The following CHAF1A variants were observed in gnomAD, a reference collection of about 807,000 sequenced individuals.
The protein encoded by CHAF1A is chromatin assembly factor 1 subunit A.
CHAF1A carries 5 observed loss-of-function variants against 93.2 expected under a neutral mutation model. That is an observed-to-expected ratio of 0.05 (90% CI 0.03 to 0.11). CHAF1A has a LOEUF of 0.11. CHAF1A is among the 10% of genes least tolerant of loss of function. The pLI is 1.00. For synonymous variants in CHAF1A, 504 were observed against 510.3 expected, an observed-to-expected ratio of 0.99 and a Z score of 0.17; for missense variants, 1,102 against 1,259.9, an observed-to-expected ratio of 0.87 and a Z score of 1.90.
In CHAF1A at chr19:4,429,542, A is replaced by T; in HGVS notation, c.1709A>T (p.Tyr570Phe). 1 of 1,613,932 alleles carries T rather than the reference A, an allele frequency of 6.2e-7. No homozygotes were observed. The highest frequency in any genetic ancestry group is 8.5e-7 in the Non-Finnish European group (1 of 1,179,964). The change falls in exon 9 of 15, where the codon TAC becomes TTC. Residue 570 changes from tyrosine to phenylalanine, a missense_variant. Tyr to Phe is a conservative substitution (Grantham distance 22). Transcript: ENST00000301280. Reference protein sequence around the residue: ...LQFCENHRPAYWGTWNKKTAL... With the variant: ...LQFCENHRPAFWGTWNKKTAL... ...TTCTGTGAGAACCACCGGCCTGCCT[A>T]CTGGGGTACCTGGAATAAGAAGACG...
At chr19:4,444,998 C>G (rs1325133115), downstream of CHAF1A, 1 of 158,232 alleles carries the variant, frequency 6.3e-6, no homozygotes, top group Non-Finnish European at 1.4e-5. Flanking sequence ...AACGGAGAAC[C>G]AAGAAACTAT....
downstream of CHAF1A, chr19:4,446,421 C>T (rs200662399): frequency 3.5e-4 from 552 of 1,576,700 alleles, no homozygotes; most frequent in Middle Eastern, 3.3e-4. Flanking sequence ...GACCTGCACA[C>T]GCGGGCCAGG....
chr19:4,402,867 C>G, intron 1 of CHAF1A, 53 bp downstream of exon 1: 2 of 1,099,860 alleles, frequency 1.8e-6, no homozygotes, highest in Non-Finnish European at 2.3e-6. Flanking sequence ...GCGGCCTGGA[C>G]GGGCCGAGGC....
chr19:4,416,524 G>A (rs1973899509), intron 3 of CHAF1A, among the ~76,000 whole-genome samples: 1 of 152,112 alleles, frequency 6.6e-6, no homozygotes, highest in Admixed American at 6.6e-5. Flanking sequence ...AAAATATTGT[G>A]CCCTAGAAGG....
chr19:4,406,961 C>A (rs947986315), intron 2 of CHAF1A, among the ~76,000 whole-genome samples: 8 of 151,860 alleles, frequency 5.3e-5, no homozygotes, highest in African/African-American at 1.9e-4. Flanking sequence ...TAGGCTCACA[C>A]CTGTAATCCT....
chr19:4,406,558 C>A (rs1395737551), intron 2 of CHAF1A, among the ~76,000 whole-genome samples: 1 of 151,920 alleles, frequency 6.6e-6, no homozygotes, highest in African/African-American at 2.4e-5. Context: ...CTTCAGCCTC[C>A]CAAGTAGCTG....
chr19:4,443,172 A>G lies in CHAF1A; in HGVS notation c.*147A>G. 1.5e-6 allele frequency: 1 copy of G among 677,480 alleles called. No homozygotes were observed. Among genetic ancestry groups the G allele is most frequent in the Admixed American group, 2.2e-5 (1 of 44,728 alleles). 42.0% of individuals were successfully genotyped at this position (677,480 alleles called of 1,614,324 possible). A position where few individuals can be genotyped will look rare whatever the true frequency, so the allele number is the denominator to read the frequency against. On this transcript the variant is annotated 3_prime_UTR_variant, in exon 15 of 15. Coordinates refer to ENST00000301280, the MANE Select transcript of CHAF1A (RefSeq NM_005483.3). ...AGAGTTCTATATAGGATGCTGGATT[A>G]GTTCCTTTGATATTTGTAAAAATTC...
intron 14 of CHAF1A, 50 bp downstream of exon 14, chr19:4,442,391 G>C: frequency 7.0e-7 from 1 of 1,431,714 alleles, no homozygotes; most frequent in East Asian, 2.5e-5. Flanking sequence ...GGGCGCTGGA[G>C]GTAAACCTCA....
At chr19:4,448,481 A>C, downstream of CHAF1A, 1 of 1,321,192 alleles carries the variant, frequency 7.6e-7, no homozygotes, top group Non-Finnish European at 1.1e-6. Context: ...TCCGCTGCCC[A>C]GGTAACAGGG....
intron 1 of CHAF1A, among the ~76,000 whole-genome samples, chr19:4,403,645 C>A (rs933688817): frequency 6.6e-6 from 1 of 152,244 alleles, no homozygotes; most frequent in Non-Finnish European, 1.5e-5. Flanking sequence ...CTGGCCTCCG[C>A]CTTTTGCAGG....
intron 3 of CHAF1A, among the ~76,000 whole-genome samples, chr19:4,412,246 A>C (rs901639084): frequency 6.6e-6 from 1 of 152,190 alleles, no homozygotes; most frequent in Non-Finnish European, 1.5e-5. Flanking sequence ...GCCATTTAGC[A>C]AGAACGGGAC....
rs576521980 is a variant in CHAF1A at position 4,431,964 on chromosome 19, C to T, written c.1960C>T (p.Pro654Ser). 2 of 1,609,220 alleles carry T rather than the reference C, an allele frequency of 1.2e-6. No individual in the cohort carries two copies. Among genetic ancestry groups the T allele is most frequent in the South Asian group, 2.2e-5 (2 of 90,952 alleles). The change falls in exon 12 of 15, where the codon CCT (proline) becomes TCT (serine). Residue 654 changes from proline (P) to serine (S), a missense_variant. Physicochemically the swap from Pro to Ser is moderately conservative, Grantham distance 74. Coordinates refer to ENST00000301280, the MANE Select transcript of CHAF1A (RefSeq NM_005483.3). ...TCTAAACCACAAGGAGTGTGCCGAC[C>T]CTGAGAACCATAAGGTCCGCCAGAA... is the stretch of plus-strand genomic sequence containing the variant. ...DEGVTEECAD[P>S]ENHKVRQKLK...
intron 3 of CHAF1A, among the ~76,000 whole-genome samples, chr19:4,412,456 A>G (rs1182885712): frequency 6.6e-6 from 1 of 152,200 alleles, no homozygotes; most frequent in African/African-American, 2.4e-5. Flanking sequence ...AGGCGGGAGA[A>G]CCGCTTGAAC....
chr19:4,423,095 C>G (rs1195424599), intron 5 of CHAF1A, among the ~76,000 whole-genome samples: 1 of 152,162 alleles, frequency 6.6e-6, no homozygotes, highest in African/African-American at 2.4e-5. Context: ...TTTGTCTGTG[C>G]TAATTGTGCT....
In CHAF1A at chr19:4,422,876, A is replaced by G. The variant is rs1246945219; in HGVS notation, c.1247+81A>G. The G allele has an allele frequency of 7.6e-7, 1 of 1,317,642 alleles. No individual in the cohort carries two copies. The highest frequency in any genetic ancestry group is 1.3e-5 in the South Asian group (1 of 77,802). The allele number at this position is 1,317,642 out of a possible 1,614,324, so 81.6% of individuals were successfully genotyped here. On this transcript the variant is annotated intron_variant, in intron 5 of 14. Coordinates refer to ENST00000301280, the MANE Select transcript of CHAF1A (RefSeq NM_005483.3). This position sits in a 1 kb window ranked among gnomAD's most constrained non-coding sequence, Gnocchi z 4.6. ...CTGGCCACTCTGATGGGGCCTTTCC[A>G]CTTCACAGGCAGATGGCGGCTCCCT...
At chr19:4,424,882 G>A (rs536086213) in intron 7 of CHAF1A, among the ~76,000 whole-genome samples, 12 of 152,158 alleles carry the variant, frequency 7.9e-5, no homozygotes, top group Admixed American at 1.3e-4. Context: ...TGATCCGCCC[G>A]CCTCAGCCTC....
intron 1 of CHAF1A, among the ~76,000 whole-genome samples, chr19:4,404,206 A>C (rs1173518367): frequency 1.3e-5 from 2 of 152,272 alleles, no homozygotes; most frequent in Non-Finnish European, 2.9e-5. Context: ...GCCAAATAAA[A>C]TTAGAAAGGA....
At chr19:4,429,354 C>A in intron 8 of CHAF1A, 84 bp from the exon 9 acceptor site, 9 of 1,474,268 alleles carry the variant, frequency 6.1e-6, no homozygotes, top group South Asian at 1.3e-5. Context: ...AATTGTTAGG[C>A]CAGCTTCACA....
chr19:4,408,461 CTTTTTTTTTT>C (rs778100682), intron 2 of CHAF1A, among the ~76,000 whole-genome samples: 23 of 36,018 alleles, frequency 6.4e-4, no homozygotes, highest in South Asian at 2.9e-3. Flanking sequence ...CGCACCCGGC[CTTTTTTTTTT>C]TTTTTTTTTT....
Sources: allele counts gnomAD v4.1 joint callset (sites outside exome capture counted in the v4.1 genomes callset), GRCh38; gene constraint gnomAD v4.1.1; non-coding constraint Gnocchi (gnomAD v3.1); transcripts MANE v1.5; gene names NCBI Gene and HGNC (gene_info 2026-07-23, HGNC 2026-07-21).